The following POC1A variants were observed in gnomAD, a reference collection of about 807,000 sequenced individuals.
The protein encoded by POC1A is POC1 centriolar protein homolog A.
POC1A carries 34 observed loss-of-function variants against 47.8 expected under a neutral mutation model. That is an observed-to-expected ratio of 0.71 (90% CI 0.54 to 0.95). The LOEUF (loss-of-function observed/expected upper bound fraction) is 0.95. Ranked by LOEUF, POC1A falls within the 40% of genes least tolerant of loss-of-function variation. POC1A has a pLI of 0.00. For missense variants in POC1A, 466 were observed against 528.3 expected (o/e 0.88, Z 1.16); for synonymous variants, 177 against 207.6 (o/e 0.85, Z 1.27).
At position 52,149,973 on chromosome 3, in the gene POC1A, C is replaced by G; in HGVS notation, c.118G>C (p.Asp40His). 6.2e-7 allele frequency: 1 copy of G among 1,613,320 alleles called. No homozygotes were observed. Among genetic ancestry groups the G allele is most frequent in the Non-Finnish European group, 8.5e-7 (1 of 1,179,838 alleles). Residue 40 changes from aspartate (D) to histidine (H), a missense_variant, in exon 3 of 11, where the codon GAC becomes CAC. Transcript: ENST00000296484. ...ATGTGCCAGACCATGAGGCATGAGTCCATGGAGCCACTGGCTGAGGACAGT... is the reference window on the plus strand; with the variant it reads ...ATGTGCCAGACCATGAGGCATGAGTGCATGGAGCCACTGGCTGAGGACAGT... ...NTKQLASGSM[D>H]SCLMVWHMKP...
intron 7 of POC1A, among the ~76,000 whole-genome samples, chr3:52,136,727 G>A (rs1404719941): frequency 2.6e-5 from 4 of 152,156 alleles, no homozygotes; most frequent in African/African-American, 7.2e-5. Flanking sequence ...AAGGCAATGC[G>A]CCATGGTCCT....
At chr3:52,131,248 C>G (rs574025872) in intron 7 of POC1A, among the ~76,000 whole-genome samples, 1 of 152,196 alleles carries the variant, frequency 6.6e-6, no homozygotes, top group African/African-American at 2.4e-5. Context: ...CACTGCCCCC[C>G]ACGCTTGCCA....
Position 52,145,919 on chromosome 3 carries a change from A to T in POC1A, c.606T>A (p.Ile202=). 6.2e-7 allele frequency: 1 copy of T among 1,613,932 alleles called. No individual in the cohort carries two copies. The highest frequency in any genetic ancestry group is 8.5e-7 in the Non-Finnish European group (1 of 1,179,912). The stretch of plus-strand genomic sequence containing the variant: ...CTGTGTTGTCCATGCCGGCAGCGGC[A>T]ATGCACGTCCCACTGGGGTGGAAGT... ...YVDFHPSGTC[I]AAAGMDNTVK... The change falls in exon 6 of 11, where the codon ATT becomes ATA. Residue 202 remains isoleucine (I), a synonymous_variant. Transcript: ENST00000296484.
At chr3:52,104,394 G>A (rs1016185018) in intron 9 of POC1A, among the ~76,000 whole-genome samples, 1 of 152,246 alleles carries the variant, frequency 6.6e-6, no homozygotes, top group African/African-American at 2.4e-5. Flanking sequence ...TATCTTGATT[G>A]TGGTGGTGGT....
chr3:52,146,276 G>T (rs1698361499), intron 5 of POC1A, among the ~76,000 whole-genome samples: 1 of 152,254 alleles, frequency 6.6e-6, no homozygotes, highest in Non-Finnish European at 1.5e-5. Flanking sequence ...TTTCAAAGTT[G>T]GAGCTGGTAC....
At chr3:52,086,718 C>T (rs941525537) in intron 10 of POC1A, among the ~76,000 whole-genome samples, 3 of 152,258 alleles carry the variant, frequency 2.0e-5, no homozygotes, top group Non-Finnish European at 4.4e-5. Context: ...CTGGCCTCAG[C>T]CACCAACCAG....
chr3:52,082,198 G>A (rs530897142), intron 10 of POC1A, among the ~76,000 whole-genome samples: 2 of 152,252 alleles, frequency 1.3e-5, no homozygotes, highest in East Asian at 3.9e-4. Context: ...GGGGGAGTGG[G>A]GAGGGCAGTG....
intron 6 of POC1A, among the ~76,000 whole-genome samples, chr3:52,141,586 G>C (rs1698195999): frequency 6.6e-6 from 1 of 152,204 alleles, no homozygotes. Context: ...GACAGTGGGA[G>C]AGTAGGTTGG....
intron 9 of POC1A, among the ~76,000 whole-genome samples, chr3:52,117,870 C>T (rs1559830912): frequency 6.6e-6 from 1 of 152,136 alleles, no homozygotes; most frequent in Non-Finnish European, 1.5e-5. Context: ...TTAAAAAATG[C>T]TTCTGTGGTT....
At chr3:52,095,171 G>A (rs954644664) in intron 10 of POC1A, among the ~76,000 whole-genome samples, 1 of 152,204 alleles carries the variant, frequency 6.6e-6, no homozygotes, top group African/African-American at 2.4e-5. Flanking sequence ...CGGGTTTGAA[G>A]TGGGGTGGCT....
intron 10 of POC1A, among the ~76,000 whole-genome samples, chr3:52,087,574 G>A (rs1417327171): frequency 1.3e-5 from 2 of 152,098 alleles, no homozygotes; most frequent in Admixed American, 1.3e-4. Context: ...GCTCTCTTCG[G>A]GAAGTACACG....
chr3:52,121,867 C>A (rs958049468), intron 9 of POC1A, among the ~76,000 whole-genome samples: 3 of 152,140 alleles, frequency 2.0e-5, no homozygotes, highest in Admixed American at 2.0e-4. Flanking sequence ...TTCAGGAACA[C>A]TGAATATTCT....
chr3:52,117,885 A>C (rs976070939), intron 9 of POC1A, among the ~76,000 whole-genome samples: 1 of 152,252 alleles, frequency 6.6e-6, no homozygotes, highest in Non-Finnish European at 1.5e-5. Flanking sequence ...GTGGTTGAGC[A>C]GAAGTCCGTC....
intron 9 of POC1A, among the ~76,000 whole-genome samples, chr3:52,113,505 C>T (rs1278700624): frequency 6.6e-6 from 1 of 152,232 alleles, no homozygotes; most frequent in African/African-American, 2.4e-5. Context: ...GAGTTCAAGA[C>T]CAGCCCAGCC....
At chr3:52,107,279 G>A (rs555607880) in intron 9 of POC1A, among the ~76,000 whole-genome samples, 12 of 152,352 alleles carry the variant, frequency 7.9e-5, no homozygotes, top group Middle Eastern at 3.4e-3. Flanking sequence ...GCAGCAAGGT[G>A]GAGCCGGTTT....
chr3:52,096,463 A>C, intron 10 of POC1A, 106 bp downstream of exon 10: 2 of 978,320 alleles, frequency 2.0e-6, no homozygotes, highest in South Asian at 3.6e-5. Context: ...GGTCCGTTAT[A>C]ATTATGTTTT....
chr3:52,099,214 C>A (rs569379717), intron 9 of POC1A, among the ~76,000 whole-genome samples: 3 of 152,324 alleles, frequency 2.0e-5, no homozygotes, highest in Admixed American at 6.5e-5. Context: ...CAGGGCCCAC[C>A]GAGGTAAAAT....
intron 7 of POC1A, among the ~76,000 whole-genome samples, chr3:52,126,949 T>C (rs1462475919): frequency 6.6e-6 from 1 of 152,146 alleles, no homozygotes; most frequent in Non-Finnish European, 1.5e-5. Context: ...GGGGAACACA[T>C]TCTAATCACA....
At chr3:52,110,125 C>T (rs1278075280) in intron 9 of POC1A, among the ~76,000 whole-genome samples, 1 of 152,240 alleles carries the variant, frequency 6.6e-6, no homozygotes, top group Non-Finnish European at 1.5e-5. Context: ...ATGCTGCCCA[C>T]AGACGTGAGA....
Sources: gnomAD v4.1 joint callset for allele counts (sites outside exome capture counted in the v4.1 genomes callset) on GRCh38, gnomAD v4.1.1 for gene constraint, MANE v1.5 for transcripts, NCBI Gene and HGNC (gene_info 2026-07-23, HGNC 2026-07-21) for gene names.